The following LRRIQ1 variants were observed in gnomAD, a reference collection of about 807,000 sequenced individuals.
The protein encoded by LRRIQ1 is leucine rich repeats and IQ motif containing 1, also known as leucine-rich repeat- and IQ domain-containing protein 1.
In LRRIQ1, 210 loss-of-function variants were observed where a neutral mutation model predicts 211.9. The observed-to-expected ratio is 0.99, with a 90% confidence interval of 0.89 to 1.11. The LOEUF is 1.11. Ranked by LOEUF, LRRIQ1 falls within the 50% of genes most tolerant of loss-of-function variation. The pLI, the probability that LRRIQ1 is intolerant of heterozygous loss-of-function variation, is 0.00. For missense variants in LRRIQ1, 2,136 were observed against 1,939.5 expected (o/e 1.10, Z -1.90); for synonymous variants, 699 against 650.1 (o/e 1.08, Z -1.14).
intron 24 of LRRIQ1, among the ~76,000 whole-genome samples, chr12:85,171,947 C>T (rs1891439993): frequency 6.6e-6 from 1 of 152,126 alleles, no homozygotes; most frequent in Non-Finnish European, 1.5e-5. Context: ...GTTATAGCAG[C>T]CCAAGCTGAC....
At chr12:85,261,765 T>TTTTATTTTATTTATTTA (rs1555231834) in intron 1 of LRRIQ1, among the ~76,000 whole-genome samples, 2 of 139,608 alleles carry the variant, frequency 1.4e-5, no homozygotes, top group African/African-American at 5.7e-5. Context: ...TTTTTGTTTA[T>TTTTATTTTATTTATTTA]TTTATTTATT....
intron 15 of LRRIQ1, among the ~76,000 whole-genome samples, chr12:85,107,181 A>G (rs1019983530): frequency 6.6e-6 from 1 of 152,128 alleles, no homozygotes; most frequent in Non-Finnish European, 1.5e-5. Flanking sequence ...ATAATATACT[A>G]ACACGATTTC....
At chr12:85,157,381 TG>T (rs1890613737) in intron 23 of LRRIQ1, among the ~76,000 whole-genome samples, 1 of 151,958 alleles carries the variant, frequency 6.6e-6, no homozygotes. Context: ...AGTTTATGTT[TG>T]GGTTATAGTG....
intron 24 of LRRIQ1, among the ~76,000 whole-genome samples, chr12:85,225,394 A>T (rs191392255): frequency 3.3e-5 from 5 of 152,224 alleles, no homozygotes; most frequent in Non-Finnish European, 7.3e-5. Context: ...GAAAACAGCT[A>T]CAAGTAAATG....
intron 15 of LRRIQ1, among the ~76,000 whole-genome samples, chr12:85,114,407 C>T (rs1201590550): frequency 2.0e-5 from 3 of 152,100 alleles, no homozygotes; most frequent in African/African-American, 7.2e-5. Context: ...TGTCACTTTC[C>T]ATCCAAATAG....
intron 11 of LRRIQ1, among the ~76,000 whole-genome samples, chr12:85,084,036 A>G (rs1884571410): frequency 6.6e-6 from 1 of 152,222 alleles, no homozygotes; most frequent in South Asian, 2.1e-4. Flanking sequence ...TGCTGAAACT[A>G]GTAAAACCAG....
At chr12:85,145,752 A>G (rs751973486) in intron 19 of LRRIQ1, among the ~76,000 whole-genome samples, 10 of 151,708 alleles carry the variant, frequency 6.6e-5, no homozygotes, top group Non-Finnish European at 1.5e-4. Flanking sequence ...TATCTTTATT[A>G]CACCAGACAG....
chr12:85,090,892 A>C (rs1255701822), intron 11 of LRRIQ1, among the ~76,000 whole-genome samples: 1 of 152,036 alleles, frequency 6.6e-6, no homozygotes, highest in Non-Finnish European at 1.5e-5. Context: ...TCTAAATACA[A>C]CTTGGTTATT....
chr12:85,065,262 G>T lies in LRRIQ1; in HGVS notation c.2392G>T (p.Val798Phe). The T allele has an allele frequency of 1.9e-6, 3 of 1,605,294 alleles. No individual in the cohort carries two copies. The highest frequency in any genetic ancestry group is 4.5e-5 in the East Asian group (2 of 44,534). ...RCGPWDTLQQ[V>F]TTVTFQDLPG... ...ACTCCAATTTTCTTGGTTCCTCTAG[G>T]TTACAACAGTTACATTTCAAGATTT... The change falls in exon 9 of 27, where the codon GTT (valine) becomes TTT (phenylalanine). Residue 798 changes from valine (V) to phenylalanine (F), a missense_variant and splice_region_variant. Physicochemically the swap from Val to Phe is conservative, Grantham distance 50 (BLOSUM62 -1). Transcript: ENST00000393217.
At chr12:85,095,098 C>G (rs1359344485) in intron 11 of LRRIQ1, among the ~76,000 whole-genome samples, 1 of 151,988 alleles carries the variant, frequency 6.6e-6, no homozygotes, top group Non-Finnish European at 1.5e-5. Flanking sequence ...GTGTGTGTGC[C>G]TTTTATTTCT....
intron 9 of LRRIQ1, among the ~76,000 whole-genome samples, chr12:85,065,899 T>G (rs1456270971): frequency 6.6e-6 from 1 of 151,914 alleles, no homozygotes; most frequent in Non-Finnish European, 1.5e-5. Flanking sequence ...ATCTCTCTAG[T>G]TATCTGGGGC....
At chr12:85,151,019 G>A (rs1040439527) in intron 19 of LRRIQ1, among the ~76,000 whole-genome samples, 8 of 151,206 alleles carry the variant, frequency 5.3e-5, no homozygotes, top group Admixed American at 4.0e-4. Context: ...ATACTATATT[G>A]TTATTAACTA....
At chr12:85,109,236 A>G (rs1887000964) in intron 15 of LRRIQ1, among the ~76,000 whole-genome samples, 1 of 152,182 alleles carries the variant, frequency 6.6e-6, no homozygotes, top group Admixed American at 6.6e-5. Flanking sequence ...AGGCTACTGC[A>G]AACCTCTGAC....
chr12:85,063,168 A>G (rs1017469116), intron 8 of LRRIQ1, among the ~76,000 whole-genome samples: 8 of 149,932 alleles, frequency 5.3e-5, no homozygotes, highest in African/African-American at 2.0e-4. Context: ...CTCTTTTAAT[A>G]GTTTCTCTAG....
chr12:85,153,520 A>G, intron 21 of LRRIQ1, 143 bp from the exon 22 acceptor site: 1 of 630,024 alleles, frequency 1.6e-6, no homozygotes, highest in South Asian at 1.9e-5. Flanking sequence ...TTAATGGCAG[A>G]CTTTTATTGC....
chr12:85,182,645 G>A (rs543497981), intron 24 of LRRIQ1, among the ~76,000 whole-genome samples: 1 of 152,110 alleles, frequency 6.6e-6, no homozygotes, highest in East Asian at 1.9e-4. Context: ...ATAGAGGCCC[G>A]CACATTGAAA....
chr12:85,066,367 A>G (rs1253964084), intron 9 of LRRIQ1, among the ~76,000 whole-genome samples: 1 of 151,818 alleles, frequency 6.6e-6, no homozygotes, highest in South Asian at 2.1e-4. Context: ...CTAAAATTAA[A>G]AATTATCTAC....
intron 1 of LRRIQ1, among the ~76,000 whole-genome samples, chr12:85,257,643 T>A (rs1350988766): frequency 6.6e-6 from 1 of 151,748 alleles, no homozygotes; most frequent in Non-Finnish European, 1.5e-5. Context: ...CAGCATTACA[T>A]GGGGTAGTTA....
In LRRIQ1 at chr12:85,124,056, A is replaced by T. The variant is rs767102642; in HGVS notation, c.3558-14A>T. 6.4e-7 allele frequency: 1 copy of T among 1,573,814 alleles called. No homozygotes were observed. The highest frequency in any genetic ancestry group is 1.1e-5 in the South Asian group (1 of 88,814). Reference sequence around the variant, plus strand: ...ACTATTCTTATTAAATGTTCTCATCATTTATTTGTTCAGAGATGTATTTAC... The same window carrying T: ...ACTATTCTTATTAAATGTTCTCATCTTTTATTTGTTCAGAGATGTATTTAC... On this transcript the variant is annotated splice_polypyrimidine_tract_variant and intron_variant, in intron 16 of 26. Coordinates refer to ENST00000393217, the MANE Select transcript of LRRIQ1 (RefSeq NM_001079910.2).
Sources: allele counts gnomAD v4.1 joint callset (sites outside exome capture counted in the v4.1 genomes callset), GRCh38; gene constraint gnomAD v4.1.1; transcripts MANE v1.5; gene names NCBI Gene and HGNC (gene_info 2026-07-23, HGNC 2026-07-21).